DHX30: variants seen among roughly 807,000 people sequenced by gnomAD.
The protein encoded by DHX30 is DExH-box helicase 30, also known as ATP-dependent RNA helicase DHX30.
Under a neutral mutation model 116.9 loss-of-function variants are expected in DHX30, and 4 were observed. The ratio of observed to expected loss-of-function variants is 0.03; its 90% CI spans 0.02 to 0.08. The LOEUF is 0.08. Ranked by LOEUF, DHX30 falls within the 10% of genes least tolerant of loss-of-function variation. The probability of loss-of-function intolerance (pLI) is 1.00; values close to 1 mark genes in which losing one functional copy is unlikely to be tolerated. For missense variants in DHX30, 871 were observed against 1,595.1 expected (o/e 0.55, Z 7.73); for synonymous variants, 697 against 651.7 (o/e 1.07, Z -1.06).
intron 3 of DHX30, chr3:47,815,907 T>G: frequency 1.0e-6 from 1 of 983,536 alleles, no homozygotes; most frequent in Non-Finnish European, 1.2e-6. Context: ...AAATGCTTAA[T>G]GAGATAATAA....
intron 6 of DHX30, among the ~76,000 whole-genome samples, chr3:47,839,541 A>C (rs1449006549): frequency 3.3e-5 from 5 of 151,514 alleles, no homozygotes; most frequent in East Asian, 1.9e-4. Flanking sequence ...TGATCCGCCC[A>C]CCTCGGCCTC....
chr3:47,830,464 T>C (rs1366446419), intron 6 of DHX30, among the ~76,000 whole-genome samples: 2 of 151,794 alleles, frequency 1.3e-5, no homozygotes, highest in Admixed American at 1.3e-4. Flanking sequence ...AAAATAATAA[T>C]AAATTTTTTC....
chr3:47,849,524 A>G lies in DHX30; in HGVS notation c.3161A>G (p.Asn1054Ser), dbSNP rs2037925361. The G allele has an allele frequency of 6.2e-7, 1 of 1,606,552 alleles. No individual in the cohort carries two copies. Among genetic ancestry groups the G allele is most frequent in the Non-Finnish European group, 8.5e-7 (1 of 1,174,104 alleles). ...GTCACATATAGGACCAAATCAGGCA[A>G]CATCCTGCTGCACAAGTCGACCATT... Reference protein sequence around the residue: ...NSVTYRTKSGNILLHKSTINR... With the variant: ...NSVTYRTKSGSILLHKSTINR... Residue 1054 changes from asparagine (N) to serine (S), a missense_variant, in exon 20 of 22, where the codon AAC becomes AGC. Physicochemically the swap from Asn to Ser is conservative, Grantham distance 46. This residue lies in a region of DHX30 where 238 missense variants were observed against 481.0 expected (regional missense o/e 0.49). Coordinates refer to ENST00000445061, the MANE Select transcript of DHX30 (RefSeq NM_138615.3).
In DHX30 at chr3:47,843,261, T is replaced by C. The variant is rs756737560; in HGVS notation, c.939+6T>C. On this transcript the variant is annotated splice_donor_region_variant and intron_variant, in intron 9 of 21. Coordinates refer to ENST00000445061, the MANE Select transcript of DHX30 (RefSeq NM_138615.3). ...TGGCCTGCAAGAAACTGAAGGTGAG[T>C]CCAGGAAGGTCCTGGGTGTGGTGCA... is the stretch of plus-strand genomic sequence containing the variant. The C allele has an allele frequency of 4.3e-6, 7 of 1,614,046 alleles. No homozygotes were observed. In the Admixed American group the frequency reaches 1.2e-4, roughly 27 times the overall value.
rs138119616 is a variant in DHX30, at chr3:47,816,843, T to C, written c.29-1179T>C. 1.9e-4 allele frequency: 187 copies of C among 985,262 alleles called. 1 individual carries two copies. The highest frequency in any genetic ancestry group is 2.1e-4 in the Non-Finnish European group (171 of 829,906). The allele number at this position is 985,262 out of a possible 1,614,324, so 61.0% of individuals were successfully genotyped here. On this transcript the variant is annotated intron_variant, in intron 3 of 21. Transcript: ENST00000445061. Reference sequence around the variant, plus strand: ...GAAAAATTTCAAAAATACTGAAACATTGAAGAAATTGTATAGTGAACACCT... The same window carrying C: ...GAAAAATTTCAAAAATACTGAAACACTGAAGAAATTGTATAGTGAACACCT...
intron 5 of DHX30, 65 bp from the exon 6 acceptor site, chr3:47,828,959 A>T (rs2036678583): frequency 1.0e-6 from 1 of 954,324 alleles, no homozygotes; most frequent in East Asian, 2.5e-5. Context: ...TTTATTTTCC[A>T]TGTAATTTGC....
rs950962084 is a variant in DHX30, at chr3:47,846,992, G to A, written c.1920G>A (p.Arg640=). ...LGKHQYLHRH[R]HHESEDECAL... ...AGCACCAGTACCTGCACCGGCACCG[G>A]CACCATGAGGTGAGGGACACCCCCA... Residue 640 remains arginine, a synonymous_variant, in exon 11 of 22, where the codon CGG becomes CGA. Coordinates refer to ENST00000445061, the MANE Select transcript of DHX30 (RefSeq NM_138615.3). 1 of 1,610,216 alleles carries A rather than the reference G, an allele frequency of 6.2e-7. No individual in the cohort carries two copies.
intron 2 of DHX30, among the ~76,000 whole-genome samples, chr3:47,809,816 GC>G (rs1048761898): frequency 6.6e-6 from 1 of 152,166 alleles, no homozygotes; most frequent in African/African-American, 2.4e-5. Flanking sequence ...ATTCTGATTG[GC>G]TAAACACTGT....
chr3:47,817,074 G>C, intron 3 of DHX30: 1 of 549,788 alleles, frequency 1.8e-6, no homozygotes. Context: ...GAGTCAATTT[G>C]CATTCCACAA....
At chr3:47,805,150 T>G (rs2035459944) in intron 1 of DHX30, among the ~76,000 whole-genome samples, 176 bp from the exon 2 acceptor site, 1 of 152,212 alleles carries the variant, frequency 6.6e-6, no homozygotes, top group South Asian at 2.1e-4. Flanking sequence ...AGCTTACAAT[T>G]TAATGGGCCT....
At chr3:47,834,582 A>C (rs2037017958) in intron 6 of DHX30, among the ~76,000 whole-genome samples, 1 of 151,580 alleles carries the variant, frequency 6.6e-6, no homozygotes, top group Non-Finnish European at 1.5e-5. Flanking sequence ...AGATCCTCCC[A>C]CCTCAACCTC....
intron 4 of DHX30, among the ~76,000 whole-genome samples, chr3:47,826,467 T>C (rs760250809): frequency 8.1e-5 from 12 of 148,500 alleles, no homozygotes; most frequent in Non-Finnish European, 1.6e-4. Context: ...TTTTTTGAGA[T>C]GGAGTTTCAC....
intron 4 of DHX30, among the ~76,000 whole-genome samples, chr3:47,826,548 C>T (rs867086374): frequency 3.3e-5 from 5 of 151,492 alleles, no homozygotes; most frequent in Middle Eastern, 6.8e-3. Flanking sequence ...CGGGTTCAAG[C>T]GATTCTCCTG....
At position 47,846,326 on chromosome 3, in the gene DHX30, A is replaced by G. The variant is rs768548929; in HGVS notation, c.1254A>G (p.Leu418=). The stretch of plus-strand genomic sequence containing the variant: ...AGGTACGTCTCAGCCAGAGTCTGCT[A>G]GAACTGTGGCGGCGGCGAGGGCCGG... The part of the protein sequence containing the change: ...AEEVRLSQSL[L]ELWRRRGPVW... Residue 418 remains leucine (L), a synonymous_variant, in exon 11 of 22, where the codon CTA becomes CTG. Coordinates refer to ENST00000445061, the MANE Select transcript of DHX30 (RefSeq NM_138615.3). The G allele has an allele frequency of 1.2e-5, 19 of 1,614,060 alleles. No individual in the cohort carries two copies. The highest frequency in any genetic ancestry group is 1.5e-5 in the Non-Finnish European group (18 of 1,180,054).
chr3:47,835,170 A>G (rs1190830800), intron 6 of DHX30, among the ~76,000 whole-genome samples: 3 of 106,504 alleles, frequency 2.8e-5, no homozygotes, highest in Admixed American at 9.2e-5. Context: ...TGCCTGGCTA[A>G]TTTTTTTTTT....
intron 3 of DHX30, chr3:47,816,896 G>C: frequency 1.0e-6 from 1 of 975,088 alleles, no homozygotes; most frequent in African/African-American, 1.9e-5. Flanking sequence ...ATTCTCTATA[G>C]GTATAGGCAC....
intron 4 of DHX30, among the ~76,000 whole-genome samples, chr3:47,820,465 C>A (rs548365479): frequency 2.0e-5 from 3 of 152,142 alleles, no homozygotes; most frequent in African/African-American, 4.8e-5. Flanking sequence ...ATTTTGACCA[C>A]GTGTAATATA....
rs2107132804 is a variant in DHX30, at chr3:47,846,253, G to C, written c.1181G>C (p.Ser394Thr). Reference sequence around the variant, plus strand: ...TTGGGCAAGGACTCAGGGCCTCTGAGTGACCCTATCACAGGCAAGCCCTAT... The same window carrying C: ...TTGGGCAAGGACTCAGGGCCTCTGACTGACCCTATCACAGGCAAGCCCTAT... ...LPLGKDSGPL[S>T]DPITGKPYVP... Residue 394 changes from serine (S) to threonine (T), a missense_variant, in exon 11 of 22, where the codon AGT (serine) becomes ACT (threonine). By Grantham distance (58) the Ser-to-Thr change is moderately conservative. Around this residue, in one of 13 missense-constraint regions of DHX30, gnomAD observed 175 missense variants for 292.9 expected, o/e 0.60. Coordinates refer to ENST00000445061, the MANE Select transcript of DHX30 (RefSeq NM_138615.3). 1 of 1,614,226 alleles carries C rather than the reference G, an allele frequency of 6.2e-7. No homozygotes were observed. Among genetic ancestry groups the C allele is most frequent in the Admixed American group, 1.7e-5 (1 of 60,034 alleles).
At chr3:47,841,214 C>T in intron 7 of DHX30, 36 bp downstream of exon 7, 2 of 1,605,724 alleles carry the variant, frequency 1.2e-6, no homozygotes, top group Non-Finnish European at 8.5e-7. Context: ...CAGAGGCTGG[C>T]TGTGCCTTGA....
Sources: gnomAD v4.1 joint callset for allele counts (sites outside exome capture counted in the v4.1 genomes callset) on GRCh38, gnomAD v4.1.1 for gene constraint, gnomAD v4.1.1 regional missense constraint, MANE v1.5 for transcripts, NCBI Gene and HGNC (gene_info 2026-07-23, HGNC 2026-07-21) for gene names.